Variants in SUFU observed in about 807,000 individuals in gnomAD.
SUFU encodes the protein suppressor of fused homolog.
SUFU carries 7 observed loss-of-function variants against 58.9 expected under a neutral mutation model. The observed-to-expected ratio is 0.12, with a 90% CI of 0.07 to 0.22. The LOEUF is 0.22. Among genes scored for constraint, SUFU ranks in the 10% least tolerant of loss-of-function variants. SUFU has a pLI of 1.00. For synonymous variants in SUFU, 232 were observed against 254.8 expected, an observed-to-expected ratio of 0.91 and a Z score of 0.85; for missense variants, 451 against 641.3, an observed-to-expected ratio of 0.70 and a Z score of 3.20.
chr10:102,617,801 G>A lies in SUFU; in HGVS notation c.1296+373G>A. The stretch of plus-strand genomic sequence containing the variant: ...GAAGCAAGATGGGAGGATGTGTGGA[G>A]GCCACTCTCCAATGGCTACATGGAA... On this transcript the variant is annotated intron_variant, in intron 10 of 11. Coordinates refer to ENST00000369902, the MANE Select transcript of SUFU (RefSeq NM_016169.4). This position sits in a 1 kb window ranked among gnomAD's most constrained non-coding sequence, Gnocchi z 4.4. The A allele has an allele frequency of 2.0e-6, 1 of 508,518 alleles. No homozygotes were observed. The highest frequency in any genetic ancestry group is 3.5e-5 in the South Asian group (1 of 28,258). The allele number at this position is 508,518 out of a possible 1,614,324, so 31.5% of individuals were successfully genotyped here.
rs757424197 is a variant in SUFU at position 102,550,096 on chromosome 10, G to C, written c.444G>C (p.Val148=). The stretch of plus-strand genomic sequence containing the variant: ...TAATGCAGGGCTTGGCACGATACGT[G>C]TTCCAGTCAGGTAGGAGGCCAGGGC... The part of the protein sequence containing the change: ...AELMQGLARY[V]FQSENTFCSG... Residue 148 remains valine (V), a synonymous_variant, in exon 3 of 12, where the codon GTG becomes GTC. Transcript: ENST00000369902. 1 of 1,614,082 alleles carries C rather than the reference G, an allele frequency of 6.2e-7. No individual in the cohort carries two copies. The highest frequency in any genetic ancestry group is 1.7e-5 in the Admixed American group (1 of 60,010).
chr10:102,562,584 G>T (rs746442186), intron 3 of SUFU, among the ~76,000 whole-genome samples: 17 of 151,418 alleles, frequency 1.1e-4, no homozygotes, highest in Non-Finnish European at 2.2e-4. Flanking sequence ...ATAGTTAAAA[G>T]TAAGTAAATA....
Position 102,505,075 on chromosome 10 carries a change from C to T in SUFU, c.182+741C>T, listed in dbSNP as rs552316972. On this transcript the variant is annotated intron_variant, in intron 1 of 11. Coordinates refer to ENST00000369902, the MANE Select transcript of SUFU (RefSeq NM_016169.4). ...TTAGGTAGAGAGAACCATGGTTTGG[C>T]TTAGGATTGAAGGGGCCGACAGCTT... Among the ~76,000 whole-genome samples the T allele has an allele frequency of 2.6e-5, 4 of 152,206 alleles. No individual in the cohort carries two copies. In the East Asian group the frequency reaches 5.8e-4, roughly 22 times the overall value.
chr10:102,515,953 G>A (rs538656813), intron 2 of SUFU, among the ~76,000 whole-genome samples: 22 of 152,234 alleles, frequency 1.4e-4, no homozygotes, highest in South Asian at 4.1e-4. Flanking sequence ...CCAAGCAAGC[G>A]TGAGGCGTCC....
intron 2 of SUFU, among the ~76,000 whole-genome samples, chr10:102,517,466 A>T (rs2062485579): frequency 6.6e-6 from 1 of 151,902 alleles, no homozygotes; most frequent in African/African-American, 2.4e-5. Flanking sequence ...CAGTCCCGGG[A>T]TTTTTCCCTG....
chr10:102,599,917 T>C (rs1277840462), intron 8 of SUFU, among the ~76,000 whole-genome samples: 1 of 152,200 alleles, frequency 6.6e-6, no homozygotes, highest in African/African-American at 2.4e-5. Context: ...CCTTCCTTCC[T>C]GGAGCCTGGT....
At chr10:102,578,303 C>T (rs2063235640) in intron 3 of SUFU, among the ~76,000 whole-genome samples, 1 of 148,378 alleles carries the variant, frequency 6.7e-6, no homozygotes, top group African/African-American at 2.5e-5. Flanking sequence ...TGGGGCCAGG[C>T]ATGATGGCTC....
Position 102,632,119 on chromosome 10 carries a change from A to T in SUFU, c.*1964A>T, listed in dbSNP as rs2063842933. 4.3e-6 allele frequency: 1 copy of T among 233,420 alleles called. No homozygotes were observed. Among genetic ancestry groups the T allele is most frequent in the South Asian group, 1.8e-4 (1 of 5,526 alleles). The allele number at this position is 233,420 out of a possible 1,614,324, so 14.5% of individuals were successfully genotyped here. A position where few individuals can be genotyped will look rare whatever the true frequency, so the allele number is the denominator to read the frequency against. On this transcript the variant is annotated 3_prime_UTR_variant, in exon 12 of 12. Coordinates refer to ENST00000369902, the MANE Select transcript of SUFU (RefSeq NM_016169.4). The stretch of plus-strand genomic sequence containing the variant: ...GACCTGCCTGAGGGCTCCCTGCTGC[A>T]GTTCGCCGTACTTCCATCTGCTGGG...
intron 2 of SUFU, among the ~76,000 whole-genome samples, chr10:102,544,806 A>G (rs534035295): frequency 6.6e-6 from 1 of 152,190 alleles, no homozygotes; most frequent in Non-Finnish European, 1.5e-5. Context: ...GCAACCACCA[A>G]CCTATTTTCT....
intron 5 of SUFU, 48 bp from the exon 6 acceptor site, chr10:102,593,945 C>A: frequency 1.2e-6 from 2 of 1,607,972 alleles, no homozygotes; most frequent in Non-Finnish European, 1.7e-6. Flanking sequence ...CCCAGCCCAT[C>A]AGCCCCAGAC....
Position 102,618,960 on chromosome 10 carries a change from G to A in SUFU, c.1296+1532G>A, listed in dbSNP as rs1272724578. The A allele has an allele frequency of 3.7e-6, 3 of 808,314 alleles. No homozygotes were observed. The African/African-American group carries it at 5.1e-5, about 14-fold the overall frequency. The allele number at this position is 808,314 out of a possible 1,614,324, so 50.1% of individuals were successfully genotyped here. On this transcript the variant is annotated intron_variant, in intron 10 of 11. Coordinates refer to ENST00000369902, the MANE Select transcript of SUFU (RefSeq NM_016169.4). ...TGTGTGTGTGTGTGTGTGTGTGTGTGTGTGTGTGTGTGTGTGTGTAATGTT... is the reference window on the plus strand; with the variant it reads ...TGTGTGTGTGTGTGTGTGTGTGTGTATGTGTGTGTGTGTGTGTGTAATGTT...
intron 2 of SUFU, among the ~76,000 whole-genome samples, chr10:102,546,962 C>T (rs2062861797): frequency 6.6e-6 from 1 of 152,228 alleles, no homozygotes; most frequent in Admixed American, 6.5e-5. Context: ...CGCGTGTGCA[C>T]GGACCCTCCT....
At chr10:102,512,663 C>T (rs1311501919) in intron 2 of SUFU, among the ~76,000 whole-genome samples, 1 of 152,172 alleles carries the variant, frequency 6.6e-6, no homozygotes, top group Non-Finnish European at 1.5e-5. Flanking sequence ...GTTTTCATGT[C>T]ACCAATCAAG....
At chr10:102,600,594 C>T (rs2063506118) in intron 8 of SUFU, among the ~76,000 whole-genome samples, 2 of 152,140 alleles carry the variant, frequency 1.3e-5, no homozygotes, top group Admixed American at 1.3e-4. Flanking sequence ...ACAGAAAAGA[C>T]AGGTCCACAG....
chr10:102,516,125 C>CTTTTTTTTTTTTTTTTTTTTT (rs60544094), intron 2 of SUFU, among the ~76,000 whole-genome samples: 5 of 125,582 alleles, frequency 4.0e-5, no homozygotes, highest in African/African-American at 5.9e-5. Context: ...TCTTTCTTTT[C>CTTTTTTTTTTTTTTTTTTTTT]TTTTTTTTTT....
At chr10:102,524,039 C>T (rs969987188) in intron 2 of SUFU, among the ~76,000 whole-genome samples, 1 of 152,180 alleles carries the variant, frequency 6.6e-6, no homozygotes, top group African/African-American at 2.4e-5. Context: ...TACCTTACCT[C>T]ACTTCCTTAG....
chr10:102,589,561 T>C (rs1564695235), intron 3 of SUFU, among the ~76,000 whole-genome samples: 1 of 147,636 alleles, frequency 6.8e-6, no homozygotes, highest in Non-Finnish European at 1.5e-5. Context: ...TCCTCCTGTC[T>C]TGGCCTCCCG....
Position 102,579,411 on chromosome 10 carries a change from C to T in SUFU, c.455-13171C>T, listed in dbSNP as rs1249452381. Among the ~76,000 whole-genome samples the T allele has an allele frequency of 6.6e-5, 10 of 152,228 alleles. 1 individual carries two copies. The East Asian group carries it at 1.9e-3, about 29-fold the overall frequency. ...AACCTGCAGGGTCTCTGGCAGCCCG[C>T]CAGCCTCCCACCTCCCCTGCTGTGA... On this transcript the variant is annotated intron_variant, in intron 3 of 11. Transcript: ENST00000369902.
In SUFU at chr10:102,539,786, A is replaced by G. The variant is rs567846078; in HGVS notation, c.318-10184A>G. ...AAAACAATTGGAGATGCACATCCAC[A>G]TATCTATATATTATCTATACACATA... On this transcript the variant is annotated intron_variant, in intron 2 of 11. Transcript: ENST00000369902. Among the ~76,000 whole-genome samples the G allele has an allele frequency of 5.3e-5, 8 of 152,354 alleles. No individual in the cohort carries two copies. In the South Asian group the frequency reaches 1.7e-3, roughly 32 times the overall value.
Sources: gnomAD v4.1 joint callset for allele counts (sites outside exome capture counted in the v4.1 genomes callset) on GRCh38, gnomAD v4.1.1 for gene constraint, Gnocchi (gnomAD v3.1) non-coding constraint, MANE v1.5 for transcripts, NCBI Gene and HGNC (gene_info 2026-07-23, HGNC 2026-07-21) for gene names.